The following GRID2 variants were observed in gnomAD, a reference collection of about 807,000 sequenced individuals.
GRID2 encodes glutamate ionotropic receptor delta type subunit 2.
A neutral mutation model predicts 114.8 loss-of-function variants in GRID2; 33 were observed. That is an observed-to-expected ratio of 0.29 (90% confidence interval 0.22 to 0.38). The LOEUF (loss-of-function observed/expected upper bound fraction) is 0.38, where lower values mean the gene tolerates loss of function less well. Ranked by LOEUF, GRID2 falls within the 10% of genes least tolerant of loss-of-function variation. The probability of loss-of-function intolerance (pLI) is 1.00; values close to 1 mark genes in which losing one functional copy is unlikely to be tolerated. For missense variants in GRID2, 1,184 were observed against 1,257.7 expected (o/e 0.94, Z 0.89); for synonymous variants, 505 against 449.9 (o/e 1.12, Z -1.55).
At chr4:93,794,174 C>A (rs989527303) in intron 1 of GRID2, among the ~76,000 whole-genome samples, 2 of 152,178 alleles carry the variant, frequency 1.3e-5, no homozygotes, top group South Asian at 2.1e-4. Flanking sequence ...TGTCCCTAAT[C>A]TTGAGCATAA....
chr4:93,690,108 C>G (rs1726426075), intron 14 of GRID2, among the ~76,000 whole-genome samples: 1 of 151,860 alleles, frequency 6.6e-6, no homozygotes, highest in Admixed American at 6.6e-5. Context: ...CTTTTAAAAT[C>G]TGTATACAAT....
At chr4:92,423,866 G>C (rs897453269) in intron 1 of GRID2, among the ~76,000 whole-genome samples, 2 of 151,800 alleles carry the variant, frequency 1.3e-5, no homozygotes, top group Middle Eastern at 3.2e-3. Context: ...AAAACAAGAG[G>C]AGCAACACAA....
chr4:93,623,623 G>A (rs946544174), intron 13 of GRID2, among the ~76,000 whole-genome samples: 1 of 152,038 alleles, frequency 6.6e-6, no homozygotes, highest in Admixed American at 6.5e-5. Context: ...AAGAAAATGT[G>A]GCACATATAC....
chr4:93,547,926 C>T (rs1475935372), intron 13 of GRID2, among the ~76,000 whole-genome samples: 1 of 152,186 alleles, frequency 6.6e-6, no homozygotes, highest in Non-Finnish European at 1.5e-5. Context: ...CCTGTAATCT[C>T]AGCACTTTGG....
chr4:93,603,497 T>C (rs931406962), intron 13 of GRID2, among the ~76,000 whole-genome samples: 1 of 152,220 alleles, frequency 6.6e-6, no homozygotes, highest in Non-Finnish European at 1.5e-5. Context: ...CAACAGATGC[T>C]GATGCAGACA....
chr4:93,283,277 C>T (rs1004343282), intron 8 of GRID2, among the ~76,000 whole-genome samples: 1 of 151,784 alleles, frequency 6.6e-6, no homozygotes, highest in Admixed American at 6.6e-5. Context: ...CATATATGAC[C>T]CAATATCCAC....
chr4:93,441,592 C>T (rs988567436), intron 10 of GRID2, among the ~76,000 whole-genome samples: 27 of 151,812 alleles, frequency 1.8e-4, no homozygotes, highest in African/African-American at 4.1e-4. Flanking sequence ...ACAAATGGAA[C>T]CTTTAAATAT....
intron 2 of GRID2, among the ~76,000 whole-genome samples, chr4:92,900,051 G>T (rs1222193953): frequency 6.6e-6 from 1 of 152,122 alleles, no homozygotes; most frequent in East Asian, 1.9e-4. Context: ...CAGCTGAAGG[G>T]TAAATAGTGA....
intron 2 of GRID2, among the ~76,000 whole-genome samples, chr4:92,809,037 C>T (rs759332265): frequency 9.9e-5 from 15 of 151,584 alleles, no homozygotes; most frequent in East Asian, 2.0e-4. Context: ...AGTATAATTG[C>T]GGAAATAGGT....
intron 2 of GRID2, among the ~76,000 whole-genome samples, chr4:92,895,050 C>T (rs1340108021): frequency 4.6e-5 from 7 of 151,848 alleles, no homozygotes; most frequent in Non-Finnish European, 5.9e-5. Flanking sequence ...TTAAGTTAAT[C>T]AATATATTAT....
intron 8 of GRID2, among the ~76,000 whole-genome samples, chr4:93,352,964 G>A (rs1296576219): frequency 6.6e-6 from 1 of 152,016 alleles, no homozygotes; most frequent in Non-Finnish European, 1.5e-5. Flanking sequence ...AAGCAATCAA[G>A]AAGGGCAGAA....
intron 2 of GRID2, among the ~76,000 whole-genome samples, chr4:92,684,052 C>A (rs1733782031): frequency 6.6e-6 from 1 of 151,700 alleles, no homozygotes; most frequent in Admixed American, 6.6e-5. Context: ...AAAATAAATT[C>A]TTTTAAAATA....
At chr4:93,658,823 T>TA (rs968262904) in intron 14 of GRID2, among the ~76,000 whole-genome samples, 2 of 152,140 alleles carry the variant, frequency 1.3e-5, no homozygotes, top group Non-Finnish European at 2.9e-5. Context: ...GAATAGTTTT[T>TA]ATATAGGGAA....
intron 1 of GRID2, among the ~76,000 whole-genome samples, chr4:92,334,738 A>T (rs764484699): frequency 3.9e-5 from 6 of 152,216 alleles, no homozygotes; most frequent in Non-Finnish European, 8.8e-5. Flanking sequence ...ATTCCAACAC[A>T]TAAATTTTGG....
chr4:93,154,216 C>A (rs934672281), intron 4 of GRID2, among the ~76,000 whole-genome samples: 1 of 151,992 alleles, frequency 6.6e-6, no homozygotes, highest in Non-Finnish European at 1.5e-5. Context: ...ACCAGCATTG[C>A]TTACATTAGT....
intron 1 of GRID2, among the ~76,000 whole-genome samples, chr4:92,318,019 T>A (rs1726089166): frequency 6.6e-6 from 1 of 152,128 alleles, no homozygotes; most frequent in South Asian, 2.1e-4. Flanking sequence ...TTCCTGTCAA[T>A]ACACATTGAG....
intron 2 of GRID2, among the ~76,000 whole-genome samples, chr4:93,039,235 G>T (rs757185973): frequency 1.3e-5 from 2 of 151,462 alleles, no homozygotes; most frequent in Non-Finnish European, 2.9e-5. Flanking sequence ...ACCAAACACC[G>T]CATGTTGTCA....
chr4:92,576,522 A>T (rs1597492), intron 1 of GRID2, among the ~76,000 whole-genome samples: 3 of 152,110 alleles, frequency 2.0e-5, no homozygotes, highest in Admixed American at 6.5e-5. Flanking sequence ...CTTCCTAGGG[A>T]CATCTCCTAG....
chr4:92,892,416 A>G (rs1746857579), intron 2 of GRID2, among the ~76,000 whole-genome samples: 1 of 151,968 alleles, frequency 6.6e-6, no homozygotes, highest in African/African-American at 2.4e-5. Flanking sequence ...AATTGAGGGA[A>G]CTTTTTCTAG....
Sources: allele counts gnomAD v4.1 joint callset (sites outside exome capture counted in the v4.1 genomes callset), GRCh38; gene constraint gnomAD v4.1.1; transcripts MANE v1.5; gene names NCBI Gene and HGNC (gene_info 2026-07-23, HGNC 2026-07-21).